The following BRAP variants were observed in gnomAD, a reference collection of about 807,000 sequenced individuals.
The protein encoded by BRAP is BRCA1-associated protein.
BRAP carries 42 observed loss-of-function variants against 73.4 expected under a neutral mutation model. The ratio of observed to expected loss-of-function variants is 0.57; its 90% CI spans 0.45 to 0.74. The LOEUF is 0.74. Among genes scored for constraint, BRAP ranks in the 30% least tolerant of loss-of-function variants. The pLI is 0.00. For missense variants in BRAP, 593 were observed against 751.4 expected, an observed-to-expected ratio of 0.79 and a Z score of 2.46; for synonymous variants, 255 against 267.4, an observed-to-expected ratio of 0.95 and a Z score of 0.45.
Position 111,660,551 on chromosome 12 carries a change from T to C in BRAP, c.972+49A>G, listed in dbSNP as rs1442383955. The C allele has an allele frequency of 3.3e-6, 5 of 1,495,694 alleles. No homozygotes were observed. In the African/African-American group the frequency reaches 4.2e-5, roughly 13 times the overall value. The allele number at this position is 1,495,694 out of a possible 1,614,324, so 92.7% of individuals were successfully genotyped here. On this transcript the variant is annotated intron_variant, in intron 7 of 11. Coordinates refer to ENST00000419234, the MANE Select transcript of BRAP (RefSeq NM_006768.5). The stretch of plus-strand genomic sequence containing the variant: ...GTCATACCAGGCAGAAGAAAACTCA[T>C]GACAATTAAAGCTGCATTCTTTGTT...
chr12:111,679,332 G>A lies in BRAP; in HGVS notation c.452C>T (p.Thr151Ile), dbSNP rs1887511640. The change falls in exon 4 of 12, where the codon ACC becomes ATC. Residue 151 changes from threonine to isoleucine, a missense_variant. Thr to Ile is a moderately conservative substitution (Grantham distance 89). Around this residue, in one of 4 missense-constraint regions of BRAP, gnomAD observed 304 missense variants for 337.7 expected, o/e 0.90. Transcript: ENST00000419234. The part of the protein sequence containing the change: ...IMHLYKTNKM[T>I]SLKEDVRRSA... Reference sequence around the variant, plus strand: ...GCGCCGCACATCTTCTTTTAAGGAGGTCATCTTACTAACAAAAAAAAAATT... The same window carrying A: ...GCGCCGCACATCTTCTTTTAAGGAGATCATCTTACTAACAAAAAAAAAATT... 2.0e-6 allele frequency: 3 copies of A among 1,530,790 alleles called. No homozygotes were observed. The highest frequency in any genetic ancestry group is 1.8e-6 in the Non-Finnish European group (2 of 1,133,728). 94.8% of individuals were successfully genotyped at this position (1,530,790 alleles called of 1,614,324 possible).
rs547754203 is a variant in BRAP, at chr12:111,669,777, T to C, written c.747+2884A>G. The C allele has an allele frequency of 6.2e-5, 27 of 433,056 alleles. 1 individual carries two copies. The South Asian group carries it at 7.8e-4, about 13-fold the overall frequency. 26.8% of individuals were successfully genotyped at this position (433,056 alleles called of 1,614,324 possible). On this transcript the variant is annotated intron_variant, in intron 5 of 11. Coordinates refer to ENST00000419234, the MANE Select transcript of BRAP (RefSeq NM_006768.5). ...AAAAGTGGCTCCAAAAATAGTCTTATACCATTCTTTAAAAAAGGAAACTGT... is the reference window on the plus strand; with the variant it reads ...AAAAGTGGCTCCAAAAATAGTCTTACACCATTCTTTAAAAAAGGAAACTGT...
At chr12:111,664,727 G>C (rs1389067393) in intron 6 of BRAP, among the ~76,000 whole-genome samples, 2 of 152,214 alleles carry the variant, frequency 1.3e-5, no homozygotes, top group African/African-American at 4.8e-5. Context: ...CCACTTGTGG[G>C]TGGACAGAGA....
chr12:111,655,464 G>A (rs977526188), intron 10 of BRAP, 102 bp downstream of exon 10: 2 of 901,970 alleles, frequency 2.2e-6, no homozygotes, highest in Non-Finnish European at 3.5e-6. Flanking sequence ...GAGAAGGGAA[G>A]ATGGTAAGAT....
At chr12:111,681,382 A>T (rs1196428696) in intron 3 of BRAP, among the ~76,000 whole-genome samples, 1 of 152,066 alleles carries the variant, frequency 6.6e-6, no homozygotes, top group East Asian at 1.9e-4. Flanking sequence ...AAAAAAAAAA[A>T]AGAAAACATT....
rs1887233606 is a variant in BRAP, at chr12:111,672,884, T to C, written c.634-110A>G. 3.5e-6 allele frequency: 3 copies of C among 846,556 alleles called. No homozygotes were observed. The East Asian group carries it at 8.0e-5, about 22-fold the overall frequency. The allele number at this position is 846,556 out of a possible 1,614,324, so 52.4% of individuals were successfully genotyped here. On this transcript the variant is annotated intron_variant, in intron 4 of 11. Transcript: ENST00000419234. Reference sequence around the variant, plus strand: ...CATTCTCATCAGCTTTTAAAATTTATACTTAGGAGAGAGAGCAACCACCAA... The same window carrying C: ...CATTCTCATCAGCTTTTAAAATTTACACTTAGGAGAGAGAGCAACCACCAA...
At chr12:111,684,131 A>C (rs1887705256) in intron 1 of BRAP, among the ~76,000 whole-genome samples, 1 of 152,202 alleles carries the variant, frequency 6.6e-6, no homozygotes. Flanking sequence ...TGGAGACTTA[A>C]CTGAAATATC....
At chr12:111,678,965 G>C (rs1330260040) in intron 4 of BRAP, among the ~76,000 whole-genome samples, 186 bp downstream of exon 4, 1 of 150,624 alleles carries the variant, frequency 6.6e-6, no homozygotes, top group Admixed American at 6.6e-5. Context: ...AAAAAAAAAA[G>C]TGTATACGTT....
chr12:111,682,517 A>T (rs1278797130), intron 2 of BRAP, among the ~76,000 whole-genome samples: 1 of 150,026 alleles, frequency 6.7e-6, no homozygotes, highest in Non-Finnish European at 1.5e-5. Context: ...AAAAAAAAAA[A>T]AGAAAAGAAA....
At chr12:111,667,080 T>C (rs1479033584) in intron 5 of BRAP, among the ~76,000 whole-genome samples, 2 of 152,130 alleles carry the variant, frequency 1.3e-5, no homozygotes, top group Non-Finnish European at 2.9e-5. Context: ...TGGACAAAAA[T>C]TGATAGTTTG....
chr12:111,652,772 G>A lies in BRAP; in HGVS notation c.1312-2730C>T, dbSNP rs551818114. Among the ~76,000 whole-genome samples the A allele has an allele frequency of 8.6e-5, 13 of 152,018 alleles. No individual in the cohort carries two copies. The East Asian group carries it at 2.0e-3, about 23-fold the overall frequency. On this transcript the variant is annotated intron_variant, in intron 10 of 11. Coordinates refer to ENST00000419234, the MANE Select transcript of BRAP (RefSeq NM_006768.5). ...GTTGCCCAGGCTGGAATGCAGTGGCGTGATCTCAGCTCACTGCAACTTCCG... is the reference window on the plus strand; with the variant it reads ...GTTGCCCAGGCTGGAATGCAGTGGCATGATCTCAGCTCACTGCAACTTCCG...
intron 1 of BRAP, among the ~76,000 whole-genome samples, chr12:111,684,670 T>TG (rs1276670360): frequency 2.0e-5 from 3 of 152,038 alleles, no homozygotes; most frequent in African/African-American, 7.2e-5. Context: ...TAAGTTTTTT[T>TG]TTTGTTTTTT....
intron 3 of BRAP, among the ~76,000 whole-genome samples, chr12:111,680,179 A>C (rs935634607): frequency 6.6e-6 from 1 of 150,582 alleles, no homozygotes. Context: ...CTGGTTTCGA[A>C]CTCCTGACCT....
intron 5 of BRAP, among the ~76,000 whole-genome samples, chr12:111,671,887 T>C (rs1266573117): frequency 6.6e-6 from 1 of 151,962 alleles, no homozygotes; most frequent in African/African-American, 2.4e-5. Context: ...GGTTTCGTCA[T>C]GTTGCCCAGC....
intron 8 of BRAP, 75 bp from the exon 9 acceptor site, chr12:111,658,920 T>A (rs886860693): frequency 1.2e-5 from 14 of 1,168,870 alleles, no homozygotes; most frequent in Non-Finnish European, 1.6e-5. Context: ...TCTGACAAAA[T>A]TTTTTTTTCA....
intron 11 of BRAP, among the ~76,000 whole-genome samples, chr12:111,645,065 ATTAT>A (rs1031860794): frequency 1.3e-5 from 2 of 149,526 alleles, no homozygotes; most frequent in Non-Finnish European, 3.0e-5. Context: ...CCACAAGTGT[ATTAT>A]TTATTTATTT....
rs926089817 is a variant in BRAP, at chr12:111,659,439, A to C, written c.973-94T>G. The C allele has an allele frequency of 4.8e-6, 6 of 1,242,704 alleles. No individual in the cohort carries two copies. The East Asian group carries it at 1.5e-4, about 31-fold the overall frequency. 77.0% of individuals were successfully genotyped at this position (1,242,704 alleles called of 1,614,324 possible). ...GAGGCCGAGGCAGATGGATCACCTG[A>C]GGTCAGGAGTTCGAGACCAGCCTGG... On this transcript the variant is annotated intron_variant, in intron 7 of 11. Transcript: ENST00000419234.
intron 5 of BRAP, among the ~76,000 whole-genome samples, chr12:111,667,669 A>G (rs911208940): frequency 1.4e-5 from 2 of 140,768 alleles, no homozygotes; most frequent in African/African-American, 2.7e-5. Context: ...ACTGCACTCC[A>G]GCCTGGGAGA....
At chr12:111,683,470 C>T (rs950057258) in intron 1 of BRAP, among the ~76,000 whole-genome samples, 163 bp from the exon 2 acceptor site, 2 of 152,158 alleles carry the variant, frequency 1.3e-5, no homozygotes, top group African/African-American at 4.8e-5. Flanking sequence ...CACTGCAGTA[C>T]ACAGCAAAGA....
Sources: allele counts gnomAD v4.1 joint callset (sites outside exome capture counted in the v4.1 genomes callset), GRCh38; gene constraint gnomAD v4.1.1; regional missense constraint gnomAD v4.1.1; transcripts MANE v1.5; gene names NCBI Gene and HGNC (gene_info 2026-07-23, HGNC 2026-07-21).